MTHFD1: variants seen among roughly 807,000 people sequenced by gnomAD.
MTHFD1 encodes methylenetetrahydrofolate dehydrogenase, cyclohydrolase and formyltetrahydrofolate synthetase 1.
MTHFD1 carries 44 observed loss-of-function variants against 110.3 expected under a neutral mutation model. The observed-to-expected ratio is 0.40, with a 90% CI of 0.31 to 0.51. The LOEUF is 0.51. Among genes scored for constraint, MTHFD1 ranks in the 20% least tolerant of loss-of-function variants. The probability of loss-of-function intolerance (pLI) is 0.60; values close to 1 mark genes in which losing one functional copy is unlikely to be tolerated. For missense variants in MTHFD1, 909 were observed against 1,173.1 expected (o/e 0.77, Z 3.29); for synonymous variants, 402 against 428.8 (o/e 0.94, Z 0.77).
At chr14:64,404,082 T>C (rs1241702240) in intron 2 of MTHFD1, among the ~76,000 whole-genome samples, 1 of 152,244 alleles carries the variant, frequency 6.6e-6, no homozygotes, top group Non-Finnish European at 1.5e-5. Context: ...AGTGGTATTA[T>C]TATGAAGCTA....
chr14:64,405,999 A>ATG lies in MTHFD1; in HGVS notation c.127-5079_127-5078dup, dbSNP rs1250435100. ...GTAGACTGAAGGTAATTTTATATAT[A>ATG]TGTGTGTGTGTGTATATATATATAT... On this transcript the variant is annotated intron_variant, in intron 2 of 27. Transcript: ENST00000652337. Among the ~76,000 whole-genome samples, 7 of 148,958 alleles carry ATG rather than the reference A, an allele frequency of 4.7e-5. No homozygotes were observed. In the East Asian group the frequency reaches 1.4e-3, roughly 29 times the overall value.
chr14:64,398,837 A>G (rs1566554000), intron 1 of MTHFD1, among the ~76,000 whole-genome samples: 1 of 152,226 alleles, frequency 6.6e-6, no homozygotes, highest in African/African-American at 2.4e-5. Flanking sequence ...ATCATATATC[A>G]TAACTGGGCA....
At position 64,427,401 on chromosome 14, in the gene MTHFD1, G is replaced by T; in HGVS notation, c.1192G>T (p.Gly398Cys). Residue 398 changes from glycine (G) to cysteine (C), a missense_variant, in exon 12 of 28, where the codon GGT (glycine) becomes TGT (cysteine). Physicochemically the swap from Gly to Cys is radical, Grantham distance 159 (BLOSUM62 -3). Around this residue, in one of 3 missense-constraint regions of MTHFD1, gnomAD observed 424 missense variants for 510.4 expected, o/e 0.83. Transcript: ENST00000652337. ...TTTIGLVQAL[G>C]AHLYQNVFAC... Reference sequence around the variant, plus strand: ...TACAATCGGGCTAGTGCAAGCCCTTGGTGCCCATCTCTACCAGAATGTCTT... The same window carrying T: ...TACAATCGGGCTAGTGCAAGCCCTTTGTGCCCATCTCTACCAGAATGTCTT... 5 of 1,614,066 alleles carry T rather than the reference G, an allele frequency of 3.1e-6. No individual in the cohort carries two copies. Among genetic ancestry groups the T allele is most frequent in the Non-Finnish European group, 4.2e-6 (5 of 1,179,936 alleles).
chr14:64,439,290 CT>C, intron 17 of MTHFD1, 118 bp downstream of exon 17: 1 of 804,004 alleles, frequency 1.2e-6, no homozygotes, highest in Non-Finnish European at 2.1e-6. Flanking sequence ...TGCCTTCTCC[CT>C]TTTAAAATGG....
chr14:64,453,216 A>T (rs1357920347), intron 24 of MTHFD1, among the ~76,000 whole-genome samples: 1 of 152,124 alleles, frequency 6.6e-6, no homozygotes, highest in Non-Finnish European at 1.5e-5. Flanking sequence ...GCATATATAG[A>T]TATAAAAACT....
intron 13 of MTHFD1, among the ~76,000 whole-genome samples, chr14:64,431,329 G>A (rs1044622301): frequency 2.0e-5 from 3 of 152,040 alleles, no homozygotes; most frequent in African/African-American, 7.3e-5. Context: ...GCCTCCCAAA[G>A]TGCTGGTATT....
At chr14:64,420,080 A>G (rs2078056663) in intron 8 of MTHFD1, among the ~76,000 whole-genome samples, 155 bp downstream of exon 8, 2 of 152,186 alleles carry the variant, frequency 1.3e-5, no homozygotes. Flanking sequence ...GTTAGTAGAT[A>G]GAAGAGTTGC....
At chr14:64,433,349 C>A (rs1399614329) in intron 15 of MTHFD1, among the ~76,000 whole-genome samples, 1 of 151,762 alleles carries the variant, frequency 6.6e-6, no homozygotes, top group African/African-American at 2.4e-5. Flanking sequence ...GAACTCCTGA[C>A]CTCAGGTGAC....
intron 23 of MTHFD1, 33 bp from the exon 24 acceptor site, chr14:64,449,412 T>C: frequency 6.2e-7 from 1 of 1,610,034 alleles, no homozygotes; most frequent in South Asian, 1.1e-5. Flanking sequence ...CCAGCCATTT[T>C]CCATGCTTTG....
At chr14:64,444,642 C>T in intron 21 of MTHFD1, 51 bp from the exon 22 acceptor site, 1 of 1,604,748 alleles carries the variant, frequency 6.2e-7, no homozygotes, top group Middle Eastern at 1.7e-4. Flanking sequence ...CCATTTTAAG[C>T]TAGGAGATTT....
intron 4 of MTHFD1, 87 bp downstream of exon 4, chr14:64,412,612 C>A: frequency 9.1e-5 from 78 of 861,094 alleles, no homozygotes; most frequent in Non-Finnish European, 1.4e-4. Context: ...GGGACTGACA[C>A]ATTTAGCCAA....
intron 1 of MTHFD1, among the ~76,000 whole-genome samples, chr14:64,395,952 G>T (rs1383510525): frequency 1.3e-5 from 2 of 152,156 alleles, no homozygotes; most frequent in African/African-American, 2.4e-5. Flanking sequence ...TTATTTTCAT[G>T]TCATAAATAT....
chr14:64,441,461 G>T lies in MTHFD1; in HGVS notation c.1884+8G>T. On this transcript the variant is annotated splice_region_variant and intron_variant, in intron 19 of 27. Coordinates refer to ENST00000652337, the MANE Select transcript of MTHFD1 (RefSeq NM_005956.4). Reference sequence around the variant, plus strand: ...CTCATGCAGACACTGGAGGTGAGCAGAGTGACTCCTGCCTTCTTGAATTGG... The same window carrying T: ...CTCATGCAGACACTGGAGGTGAGCATAGTGACTCCTGCCTTCTTGAATTGG... The T allele has an allele frequency of 1.9e-6, 3 of 1,613,796 alleles. No individual in the cohort carries two copies. The highest frequency in any genetic ancestry group is 3.3e-5 in the Admixed American group (2 of 60,004).
rs80103657 is a variant in MTHFD1 at position 64,437,806 on chromosome 14, G to A, written c.1598-1290G>A. Among the ~76,000 whole-genome samples the A allele has an allele frequency of 7.8e-3, 1,194 of 152,288 alleles. 17 individuals are homozygous for A. The highest frequency in any genetic ancestry group is 0.027 in the African/African-American group (1,121 of 41,552). On this transcript the variant is annotated intron_variant, in intron 16 of 27. Transcript: ENST00000652337. Reference sequence around the variant, plus strand: ...AGAAACAACCAGATGGAAGAGAAGCGTAGGGGGCATCACTCTCCCAGCACC... The same window carrying A: ...AGAAACAACCAGATGGAAGAGAAGCATAGGGGGCATCACTCTCCCAGCACC...
At chr14:64,389,345 G>A (rs542762930) in intron 1 of MTHFD1, among the ~76,000 whole-genome samples, 58 of 152,312 alleles carry the variant, frequency 3.8e-4, no homozygotes, top group African/African-American at 1.1e-3. Flanking sequence ...AGCCACAGCA[G>A]TTACTAAATT....
chr14:64,441,580 GC>G, intron 19 of MTHFD1, 127 bp downstream of exon 19: 2 of 787,460 alleles, frequency 2.5e-6, no homozygotes, highest in Non-Finnish European at 4.3e-6. Context: ...GCCAAGGTGG[GC>G]AGATCACAAG....
At chr14:64,434,920 A>G (rs1356725657) in intron 15 of MTHFD1, among the ~76,000 whole-genome samples, 1 of 145,568 alleles carries the variant, frequency 6.9e-6, no homozygotes, top group Admixed American at 6.9e-5. Context: ...GAACTCTCTA[A>G]GCAGACTACG....
intron 3 of MTHFD1, among the ~76,000 whole-genome samples, chr14:64,412,017 G>A (rs2077989307): frequency 1.3e-5 from 2 of 152,192 alleles, no homozygotes; most frequent in African/African-American, 4.8e-5. Flanking sequence ...ATACATTTGT[G>A]TCTGGTGGGC....
At chr14:64,419,414 TG>T (rs2078052359) in intron 7 of MTHFD1, among the ~76,000 whole-genome samples, 2 of 152,212 alleles carry the variant, frequency 1.3e-5, no homozygotes, top group African/African-American at 4.8e-5. Context: ...GTCTCTTAAA[TG>T]TGGGGAGAGA....
Sources: allele counts gnomAD v4.1 joint callset (sites outside exome capture counted in the v4.1 genomes callset), GRCh38; gene constraint gnomAD v4.1.1; regional missense constraint gnomAD v4.1.1; transcripts MANE v1.5; gene names NCBI Gene and HGNC (gene_info 2026-07-23, HGNC 2026-07-21).